The following ZC3H12B variants were observed in gnomAD, a reference collection of about 807,000 sequenced individuals.
ZC3H12B encodes probable ribonuclease ZC3H12B.
A neutral mutation model predicts 43.9 loss-of-function variants in ZC3H12B; 7 were observed. That is an observed-to-expected ratio of 0.16 (90% CI 0.09 to 0.30). The LOEUF is 0.30. Ranked by LOEUF, ZC3H12B falls within the 10% of genes least tolerant of loss-of-function variation. ZC3H12B has a pLI of 1.00. For missense variants in ZC3H12B, 475 were observed against 670.2 expected (o/e 0.71, Z 3.22); for synonymous variants, 222 against 241.7 (o/e 0.92, Z 0.76).
chrX:65,434,095 C>T (rs986265411), intron 3 of ZC3H12B, among the ~76,000 whole-genome samples: 2 of 111,531 alleles, frequency 1.8e-5, no homozygotes, highest in African/African-American at 6.5e-5. Context: ...TTGTCTTTGG[C>T]AGTTGAGTGC....
the ZC3H12B span, among the ~76,000 whole-genome samples, chrX:65,098,817 A>G: frequency 9.0e-6 from 1 of 110,893 alleles, no homozygotes; most frequent in Non-Finnish European, 1.9e-5. Flanking sequence ...GTTTGGGCAG[A>G]CACAGAGCTA....
intron 3 of ZC3H12B, among the ~76,000 whole-genome samples, chrX:65,466,346 G>A (rs1473306766): frequency 1.8e-5 from 2 of 109,861 alleles, no homozygotes; most frequent in Non-Finnish European, 3.8e-5. Flanking sequence ...TTCTTTTATA[G>A]GACTAAACAA....
chrX:65,199,099 A>G, the ZC3H12B span, among the ~76,000 whole-genome samples: 1 of 107,840 alleles, frequency 9.3e-6, no homozygotes, highest in Non-Finnish European at 1.9e-5. Flanking sequence ...CAAAGATAAG[A>G]CCAATAACTT....
chrX:65,374,708 A>G (rs779007334), intron 2 of ZC3H12B, among the ~76,000 whole-genome samples: 1 of 111,267 alleles, frequency 9.0e-6, no homozygotes, highest in South Asian at 3.9e-4. Context: ...AAAGGAAAGA[A>G]GTTTAATTGA....
chrX:65,277,316 G>A, the ZC3H12B span, among the ~76,000 whole-genome samples: 1 of 111,250 alleles, frequency 9.0e-6, no homozygotes, highest in Non-Finnish European at 1.9e-5. Context: ...CATTTAGACA[G>A]CAAATCAACT....
the ZC3H12B span, among the ~76,000 whole-genome samples, chrX:65,115,047 AT>A: frequency 1.4e-4 from 13 of 90,381 alleles, no homozygotes; most frequent in African/African-American, 3.8e-4. Flanking sequence ...TGAAATTTTT[AT>A]TTTTTTTTAT....
chrX:65,452,621 A>T (rs754392970), intron 3 of ZC3H12B, among the ~76,000 whole-genome samples: 267 of 111,669 alleles, frequency 2.4e-3, no homozygotes, highest in Non-Finnish European at 4.5e-3. Flanking sequence ...TGGGTGGATC[A>T]ACTGAGGTCA....
chrX:65,296,374 G>T, the ZC3H12B span, among the ~76,000 whole-genome samples: 2 of 110,804 alleles, frequency 1.8e-5, no homozygotes, highest in Non-Finnish European at 3.8e-5. Flanking sequence ...ACTGGCGAGG[G>T]ATAAAAGACT....
At chrX:65,036,159 C>T in the ZC3H12B span, among the ~76,000 whole-genome samples, 1 of 111,638 alleles carries the variant, frequency 9.0e-6, no homozygotes, top group African/African-American at 3.3e-5. Context: ...TTGTGAGGTG[C>T]TTTTTTGAAA....
At chrX:65,215,105 G>T in the ZC3H12B span, among the ~76,000 whole-genome samples, 1 of 111,585 alleles carries the variant, frequency 9.0e-6, no homozygotes, top group Admixed American at 9.6e-5. Flanking sequence ...TCTCATCCAG[G>T]CTTCGTTTGT....
the ZC3H12B span, among the ~76,000 whole-genome samples, chrX:65,332,569 G>A: frequency 9.0e-6 from 1 of 111,370 alleles, no homozygotes; most frequent in Non-Finnish European, 1.9e-5. Flanking sequence ...TCCAGTATGT[G>A]TTTAGAATTA....
intron 3 of ZC3H12B, among the ~76,000 whole-genome samples, chrX:65,462,029 A>T (rs2067756891): frequency 9.0e-6 from 1 of 110,691 alleles, no homozygotes; most frequent in Non-Finnish European, 1.9e-5. Context: ...TACCTTAGAA[A>T]AATTAAATAA....
chrX:65,051,928 G>A, the ZC3H12B span, among the ~76,000 whole-genome samples: 1 of 110,569 alleles, frequency 9.0e-6, no homozygotes, highest in Non-Finnish European at 1.9e-5. Context: ...GCATCTCTTG[G>A]TCAGCTCTTG....
the ZC3H12B span, among the ~76,000 whole-genome samples, chrX:65,114,307 GATT>G: frequency 1.8e-4 from 20 of 109,057 alleles, no homozygotes; most frequent in South Asian, 6.7e-3. Context: ...TTCTGGAAAA[GATT>G]ATAAACAATT....
At chrX:65,127,407 GGA>G in the ZC3H12B span, among the ~76,000 whole-genome samples, 1 of 111,956 alleles carries the variant, frequency 8.9e-6, no homozygotes, top group Non-Finnish European at 1.9e-5. Context: ...GGAGGTAGCA[GGA>G]GAGTGAAATG....
At chrX:65,248,164 G>A in the ZC3H12B span, among the ~76,000 whole-genome samples, 62 of 110,450 alleles carry the variant, frequency 5.6e-4, no homozygotes, top group Non-Finnish European at 1.1e-3. Context: ...AGCCTCCTGA[G>A]TAGCTGAGAC....
chrX:65,447,275 C>T (rs1279086545), intron 3 of ZC3H12B, among the ~76,000 whole-genome samples: 1 of 111,285 alleles, frequency 9.0e-6, no homozygotes, highest in Non-Finnish European at 1.9e-5. Context: ...TTTAAATTTG[C>T]CATTATTTTT....
At position 65,497,395 on chromosome X, in the gene ZC3H12B, A is replaced by T. The variant is rs1241258790; in HGVS notation, c.748+124A>T. ...TAAGTATATTTAAAGTATTTTTATTAAGCATATATTTGAAAAAAGATTCAA... is the reference window on the plus strand; with the variant it reads ...TAAGTATATTTAAAGTATTTTTATTTAGCATATATTTGAAAAAAGATTCAA... On this transcript the variant is annotated intron_variant, in intron 2 of 4. Transcript: ENST00000338957. 15 of 632,330 alleles carry T rather than the reference A, an allele frequency of 2.4e-5. No individual in the cohort carries two copies. The East Asian group carries it at 6.0e-4, about 25-fold the overall frequency. 52.1% of individuals were successfully genotyped at this position (632,330 alleles called of 1,213,427 possible).
At chrX:65,184,242 TA>T in the ZC3H12B span, among the ~76,000 whole-genome samples, 1 of 111,624 alleles carries the variant, frequency 9.0e-6, no homozygotes, top group Non-Finnish European at 1.9e-5. Flanking sequence ...CCATGTCTTA[TA>T]TTTTTTTTGT....
Sources: gnomAD v4.1 joint callset for allele counts (sites outside exome capture counted in the v4.1 genomes callset) on GRCh38, gnomAD v4.1.1 for gene constraint, MANE v1.5 for transcripts, NCBI Gene and HGNC (gene_info 2026-07-23, HGNC 2026-07-21) for gene names.